Variants in NRXN3 observed in about 807,000 individuals in gnomAD.
The protein encoded by NRXN3 is neurexin 3.
In NRXN3, 32 loss-of-function variants were observed where a neutral mutation model predicts 137.6. The ratio of observed to expected loss-of-function variants is 0.23; its 90% CI spans 0.18 to 0.31. The LOEUF is 0.31. Ranked by LOEUF, NRXN3 falls within the 10% of genes least tolerant of loss-of-function variation. NRXN3 has a pLI of 1.00. For missense variants in NRXN3, 1,574 were observed against 2,062.5 expected (o/e 0.76, Z 4.59); for synonymous variants, 798 against 784.5 (o/e 1.02, Z -0.29).
chr14:78,626,608 C>G (rs1289271763), intron 4 of NRXN3, among the ~76,000 whole-genome samples: 1 of 152,156 alleles, frequency 6.6e-6, no homozygotes, highest in Non-Finnish European at 1.5e-5. Flanking sequence ...ATGTCAATGT[C>G]AGATAAAAAG....
At chr14:79,756,765 T>A (rs1044773567) in intron 19 of NRXN3, among the ~76,000 whole-genome samples, 1 of 152,164 alleles carries the variant, frequency 6.6e-6, no homozygotes, top group East Asian at 1.9e-4. Flanking sequence ...GAGTTATCCA[T>A]CCCTCTGACC....
chr14:78,630,102 T>C (rs2097505378), intron 4 of NRXN3, among the ~76,000 whole-genome samples: 1 of 152,224 alleles, frequency 6.6e-6, no homozygotes, highest in Non-Finnish European at 1.5e-5. Context: ...ATTTTAGCAC[T>C]AAAAGTCCTA....
At chr14:78,316,174 A>G (rs938100583) in intron 4 of NRXN3, among the ~76,000 whole-genome samples, 1 of 152,062 alleles carries the variant, frequency 6.6e-6, no homozygotes, top group African/African-American at 2.4e-5. Flanking sequence ...GCCAGCAATT[A>G]TCTCACAGGT....
intron 15 of NRXN3, among the ~76,000 whole-genome samples, chr14:79,371,304 G>A (rs1298207304): frequency 1.3e-5 from 2 of 152,094 alleles, no homozygotes; most frequent in African/African-American, 4.8e-5. Flanking sequence ...AGCTCACAGA[G>A]AGTTAGGGTG....
At chr14:78,563,803 C>T (rs758307329) in intron 4 of NRXN3, among the ~76,000 whole-genome samples, 1 of 152,086 alleles carries the variant, frequency 6.6e-6, no homozygotes, top group Non-Finnish European at 1.5e-5. Flanking sequence ...TCAATGCAAG[C>T]AGGTTGGGGT....
At chr14:78,732,298 G>A (rs1487402053) in intron 8 of NRXN3, among the ~76,000 whole-genome samples, 1 of 152,172 alleles carries the variant, frequency 6.6e-6, no homozygotes, top group Non-Finnish European at 1.5e-5. Context: ...GGAAGGGACT[G>A]CAAAGTCACA....
chr14:79,041,286 C>T (rs377381026), intron 15 of NRXN3, among the ~76,000 whole-genome samples: 1 of 152,212 alleles, frequency 6.6e-6, no homozygotes, highest in East Asian at 1.9e-4. Flanking sequence ...TAATGTATGT[C>T]AAAGAGCATG....
chr14:78,962,506 T>A (rs575299188), intron 11 of NRXN3, among the ~76,000 whole-genome samples: 1 of 152,092 alleles, frequency 6.6e-6, no homozygotes, highest in African/African-American at 2.4e-5. Context: ...TCAGAGGAGA[T>A]GAGTGAAAGG....
chr14:78,172,388 A>G (rs1314846778), intron 1 of NRXN3, among the ~76,000 whole-genome samples: 1 of 152,152 alleles, frequency 6.6e-6, no homozygotes, highest in African/African-American at 2.4e-5. Flanking sequence ...CCCGCTGGTT[A>G]TGATGGGCAA....
intron 10 of NRXN3, among the ~76,000 whole-genome samples, chr14:78,834,791 G>A (rs2098991676): frequency 6.6e-6 from 1 of 152,184 alleles, no homozygotes; most frequent in Non-Finnish European, 1.5e-5. Flanking sequence ...AAAGCAGCAA[G>A]CTTTGGAAGG....
intron 4 of NRXN3, among the ~76,000 whole-genome samples, chr14:78,586,229 A>T (rs1448267107): frequency 6.6e-6 from 1 of 152,144 alleles, no homozygotes; most frequent in Non-Finnish European, 1.5e-5. Context: ...GGCTGTTTAG[A>T]GACAGGGTTT....
At chr14:78,828,213 C>T (rs945760490) in intron 10 of NRXN3, among the ~76,000 whole-genome samples, 3 of 152,168 alleles carry the variant, frequency 2.0e-5, no homozygotes, top group African/African-American at 7.2e-5. Context: ...TGGCATGTTA[C>T]GTGTTTGGAA....
chr14:78,803,934 C>A, intron 9 of NRXN3, 111 bp downstream of exon 9: 1 of 1,021,730 alleles, frequency 9.8e-7, no homozygotes, highest in Non-Finnish European at 1.5e-6. Flanking sequence ...GTTAGCTGCT[C>A]ACCTCTTGTT....
chr14:79,410,904 G>A lies in NRXN3; in HGVS notation c.3263-56317G>A, dbSNP rs1308653701. ...ATTTAACACATTATTTCATTTAATAGCTATTTTGAGTCTTCAGGGTACAAT... is the reference window on the plus strand; with the variant it reads ...ATTTAACACATTATTTCATTTAATAACTATTTTGAGTCTTCAGGGTACAAT... On this transcript the variant is annotated intron_variant, in intron 15 of 20. Transcript: ENST00000335750. 2.9e-4 allele frequency among the ~76,000 whole-genome samples: 44 copies of A among 152,026 alleles called. 1 individual carries two copies. Among genetic ancestry groups the A allele is most frequent in the Admixed American group, 2.5e-3 (38 of 15,238 alleles).
chr14:78,326,279 C>T (rs1032419857), intron 4 of NRXN3, among the ~76,000 whole-genome samples: 1 of 152,162 alleles, frequency 6.6e-6, no homozygotes, highest in African/African-American at 2.4e-5. Context: ...TCTACACTGA[C>T]CCAGTCCCAC....
chr14:79,055,892 G>T (rs2099660264), intron 15 of NRXN3, among the ~76,000 whole-genome samples: 1 of 152,180 alleles, frequency 6.6e-6, no homozygotes, highest in African/African-American at 2.4e-5. Flanking sequence ...AGGTCAGGCA[G>T]TAATAAGACA....
At chr14:79,232,617 A>G (rs2072460780) in intron 15 of NRXN3, among the ~76,000 whole-genome samples, 2 of 152,098 alleles carry the variant, frequency 1.3e-5, no homozygotes, top group African/African-American at 4.8e-5. Context: ...CTAGTTGGAG[A>G]AATTCCTTAG....
At chr14:79,424,111 A>G (rs1030612179) in intron 15 of NRXN3, among the ~76,000 whole-genome samples, 1 of 152,210 alleles carries the variant, frequency 6.6e-6, no homozygotes, top group African/African-American at 2.4e-5. Flanking sequence ...GTTGAAATGC[A>G]TGTCTACTTT....
At chr14:79,705,759 G>A (rs1029685692) in intron 19 of NRXN3, among the ~76,000 whole-genome samples, 9 of 152,136 alleles carry the variant, frequency 5.9e-5, no homozygotes, top group South Asian at 2.1e-4. Flanking sequence ...CTTCTTGACC[G>A]TCTGTAAAAT....
Sources: allele counts gnomAD v4.1 joint callset (sites outside exome capture counted in the v4.1 genomes callset), GRCh38; gene constraint gnomAD v4.1.1; transcripts MANE v1.5; gene names NCBI Gene and HGNC (gene_info 2026-07-23, HGNC 2026-07-21).